Variants in PACRG observed in about 807,000 individuals in gnomAD.
The protein encoded by PACRG is parkin coregulated.
A neutral mutation model predicts 29.7 loss-of-function variants in PACRG; 29 were observed. That is an observed-to-expected ratio of 0.98 (90% CI 0.73 to 1.33). The LOEUF is 1.33. Ranked by LOEUF, PACRG falls within the 40% of genes most tolerant of loss-of-function variation. The pLI is 0.00. For missense variants in PACRG, 279 were observed against 316.2 expected, an observed-to-expected ratio of 0.88 and a Z score of 0.89; for synonymous variants, 116 against 118.7, an observed-to-expected ratio of 0.98 and a Z score of 0.15.
chr6:162,947,609 A>G (rs1216332744), intron 2 of PACRG, among the ~76,000 whole-genome samples: 5 of 32,646 alleles, frequency 1.5e-4, no homozygotes, highest in African/African-American at 4.2e-4. Flanking sequence ...TATATATATA[A>G]TCATATATAT....
intron 2 of PACRG, among the ~76,000 whole-genome samples, chr6:163,007,323 A>T (rs1245189107): frequency 6.6e-6 from 1 of 151,980 alleles, no homozygotes; most frequent in East Asian, 1.9e-4. Context: ...ATAAGAAAAA[A>T]TTTTTCTATT....
At chr6:162,755,785 C>T (rs1246305646) in intron 1 of PACRG, among the ~76,000 whole-genome samples, 2 of 152,122 alleles carry the variant, frequency 1.3e-5, no homozygotes, top group Non-Finnish European at 1.5e-5. Flanking sequence ...ATTTCCCTTT[C>T]GGGACTGCTT....
intron 4 of PACRG, among the ~76,000 whole-genome samples, chr6:163,172,419 G>A (rs903417884): frequency 3.3e-5 from 5 of 152,200 alleles, no homozygotes; most frequent in Non-Finnish European, 5.9e-5. Context: ...AGGAGAAACA[G>A]AAAGTTGCCC....
At chr6:163,246,753 C>T (rs1782713832) in intron 4 of PACRG, among the ~76,000 whole-genome samples, 1 of 152,098 alleles carries the variant, frequency 6.6e-6, no homozygotes. Flanking sequence ...TTTGAAACAG[C>T]TTTAGGCAAA....
Position 163,154,105 on chromosome 6 carries a change from T to A in PACRG, c.613+64697T>A, listed in dbSNP as rs142878348. Among the ~76,000 whole-genome samples the A allele has an allele frequency of 3.8e-4, 58 of 152,336 alleles. No individual in the cohort carries two copies. In the East Asian group the frequency reaches 0.011, roughly 29 times the overall value. On this transcript the variant is annotated intron_variant, in intron 4 of 4. Transcript: ENST00000366888. ...AGGAGGGATGTCCCAGTCTCAGAACTGGGATCCTTCTGGCATCAGGATGAC... is the reference window on the plus strand; with the variant it reads ...AGGAGGGATGTCCCAGTCTCAGAACAGGGATCCTTCTGGCATCAGGATGAC...
intron 4 of PACRG, among the ~76,000 whole-genome samples, chr6:163,134,284 G>A (rs1816845336): frequency 6.6e-6 from 1 of 152,128 alleles, no homozygotes; most frequent in Admixed American, 6.5e-5. Flanking sequence ...TTCAAAGCAA[G>A]TTCTGGTTCA....
rs10559182 is a variant in PACRG at position 163,196,924 on chromosome 6, CAGATAGATAGATAGATAGAT to C, written c.613+107544_613+107563del. The stretch of plus-strand genomic sequence containing the variant: ...AGACAGACTAGACAGACAGACTAGA[CAGATAGATAGATAGATAGAT>C]AGATAGATAGATAGATAGATAGATA... On this transcript the variant is annotated intron_variant, in intron 4 of 4. Coordinates refer to ENST00000366888, the MANE Select transcript of PACRG (RefSeq NM_001080379.2). 5.2e-3 allele frequency among the ~76,000 whole-genome samples: 753 copies of C among 145,074 alleles called. 4 individuals are homozygous for C. The highest frequency in any genetic ancestry group is 0.024 in the Middle Eastern group (7 of 286).
intron 4 of PACRG, among the ~76,000 whole-genome samples, chr6:163,248,192 G>T (rs1782764305): frequency 6.6e-6 from 1 of 152,218 alleles, no homozygotes; most frequent in Non-Finnish European, 1.5e-5. Context: ...TTGCATGGGT[G>T]GGGTGAGGAG....
chr6:163,227,198 G>A (rs897623102), intron 4 of PACRG, among the ~76,000 whole-genome samples: 2 of 152,168 alleles, frequency 1.3e-5, no homozygotes, highest in Non-Finnish European at 2.9e-5. Flanking sequence ...TGCTTCCCAG[G>A]AGGCCTCGGG....
rs57238242 is a variant in PACRG, at chr6:163,212,749, G to GTATATAT, written c.614-102078_614-102077insTATATAT. ...ACAAAATGCACATTAATTATAAAGG[G>GTATATAT]AAGAAGAGTAACTTTACTTTGGAAA... On this transcript the variant is annotated intron_variant, in intron 4 of 4. Transcript: ENST00000366888. Among the ~76,000 whole-genome samples the GTATATAT allele has an allele frequency of 5.0e-4, 76 of 151,550 alleles. No homozygotes were observed. The South Asian group carries it at 0.013, about 25-fold the overall frequency.
At chr6:162,943,342 C>T (rs535765783) in intron 2 of PACRG, among the ~76,000 whole-genome samples, 1 of 152,288 alleles carries the variant, frequency 6.6e-6, no homozygotes, top group South Asian at 2.1e-4. Flanking sequence ...GTTACCAGGG[C>T]CAAAGCACCA....
At chr6:163,137,597 ACTC>A (rs1200575139) in intron 4 of PACRG, among the ~76,000 whole-genome samples, 2 of 151,894 alleles carry the variant, frequency 1.3e-5, no homozygotes, top group African/African-American at 4.8e-5. Context: ...CACCGTCAGT[ACTC>A]CCTAATACCC....
At chr6:163,289,334 G>A (rs777794381) in intron 4 of PACRG, among the ~76,000 whole-genome samples, 14 of 152,010 alleles carry the variant, frequency 9.2e-5, no homozygotes, top group Non-Finnish European at 1.6e-4. Context: ...TTCACGATGC[G>A]GTTCCTTTTC....
intron 4 of PACRG, among the ~76,000 whole-genome samples, chr6:163,210,554 A>G (rs1487622388): frequency 2.0e-5 from 3 of 152,238 alleles, no homozygotes; most frequent in African/African-American, 7.2e-5. Context: ...ACCTCTGAGC[A>G]TTAACTTCCT....
intron 2 of PACRG, among the ~76,000 whole-genome samples, chr6:162,932,668 G>T (rs1189168010): frequency 1.3e-5 from 2 of 151,760 alleles, no homozygotes; most frequent in African/African-American, 2.4e-5. Flanking sequence ...ATTTGTAGTT[G>T]TATAGTTGTT....
At chr6:163,093,594 C>T (rs763056982) in intron 4 of PACRG, among the ~76,000 whole-genome samples, 10 of 152,156 alleles carry the variant, frequency 6.6e-5, no homozygotes, top group Non-Finnish European at 1.0e-4. Flanking sequence ...TAGGGCTCTC[C>T]GACAGGCCTG....
chr6:162,883,490 A>G (rs1794073057), intron 2 of PACRG, among the ~76,000 whole-genome samples: 1 of 152,130 alleles, frequency 6.6e-6, no homozygotes, highest in African/African-American at 2.4e-5. Context: ...CAGTCTGCTT[A>G]TTTACATAGT....
chr6:163,300,976 G>A (rs6455890), intron 4 of PACRG, among the ~76,000 whole-genome samples: 18 of 126,082 alleles, frequency 1.4e-4, no homozygotes, highest in African/African-American at 3.9e-4. Context: ...GCTGCTTCCC[G>A]TGAGTTTAGT....
chr6:163,180,991 G>A (rs1779627750), intron 4 of PACRG, among the ~76,000 whole-genome samples: 1 of 152,174 alleles, frequency 6.6e-6, no homozygotes. Context: ...AAATGACAGA[G>A]CCAGGGTGTG....
Sources: gnomAD v4.1 joint callset for allele counts (sites outside exome capture counted in the v4.1 genomes callset) on GRCh38, gnomAD v4.1.1 for gene constraint, MANE v1.5 for transcripts, NCBI Gene and HGNC (gene_info 2026-07-23, HGNC 2026-07-21) for gene names.